The following NRXN3 variants were observed in gnomAD, a reference collection of about 807,000 sequenced individuals.
The protein encoded by NRXN3 is neurexin III.
A neutral mutation model predicts 137.6 loss-of-function variants in NRXN3; 32 were observed. The observed-to-expected ratio is 0.23, with a 90% CI of 0.18 to 0.31. The LOEUF is 0.31. Ranked by LOEUF, NRXN3 falls within the 10% of genes least tolerant of loss-of-function variation. NRXN3 has a pLI of 1.00. For missense variants in NRXN3, 1,574 were observed against 2,062.5 expected (o/e 0.76, Z 4.59); for synonymous variants, 798 against 784.5 (o/e 1.02, Z -0.29).
intron 15 of NRXN3, among the ~76,000 whole-genome samples, chr14:79,136,120 C>T (rs898487545): frequency 3.3e-5 from 5 of 152,150 alleles, no homozygotes; most frequent in African/African-American, 1.2e-4. Flanking sequence ...GCTGGGTTTC[C>T]AGAGGCATAA....
chr14:78,417,607 G>T (rs2093213111), intron 4 of NRXN3, among the ~76,000 whole-genome samples: 1 of 152,164 alleles, frequency 6.6e-6, no homozygotes, highest in African/African-American at 2.4e-5. Context: ...TAACTGGTTG[G>T]CCCAGAGGAG....
At chr14:78,861,607 G>A (rs138958309) in intron 10 of NRXN3, among the ~76,000 whole-genome samples, 157 of 152,160 alleles carry the variant, frequency 1.0e-3, no homozygotes, top group African/African-American at 3.6e-3. Flanking sequence ...CTTATTTTAT[G>A]CTCATGTTGT....
intron 4 of NRXN3, among the ~76,000 whole-genome samples, chr14:78,465,425 G>A (rs1350877159): frequency 6.6e-6 from 1 of 152,154 alleles, no homozygotes; most frequent in East Asian, 1.9e-4. Context: ...AACTGGATAT[G>A]AAACTAGATC....
intron 4 of NRXN3, among the ~76,000 whole-genome samples, chr14:78,515,556 AT>A (rs200441375): frequency 1.1e-4 from 16 of 151,622 alleles, no homozygotes; most frequent in African/African-American, 3.4e-4. Flanking sequence ...TATATGCAAC[AT>A]TTTTTTTTCT....
intron 16 of NRXN3, among the ~76,000 whole-genome samples, chr14:79,567,487 G>A (rs1340227505): frequency 6.6e-6 from 1 of 151,828 alleles, no homozygotes; most frequent in Non-Finnish European, 1.5e-5. Context: ...CTTATGTCCT[G>A]GACATGATCC....
At chr14:78,250,481 G>T (rs1191003923) in intron 2 of NRXN3, among the ~76,000 whole-genome samples, 1 of 152,218 alleles carries the variant, frequency 6.6e-6, no homozygotes, top group Non-Finnish European at 1.5e-5. Context: ...AGAGATAAAA[G>T]GAGGGGAATT....
intron 19 of NRXN3, among the ~76,000 whole-genome samples, chr14:79,715,267 G>A (rs182600211): frequency 5.5e-4 from 84 of 152,220 alleles, no homozygotes; most frequent in African/African-American, 2.0e-3. Context: ...AAATCCTGTT[G>A]TGTCCTAAAG....
intron 16 of NRXN3, among the ~76,000 whole-genome samples, chr14:79,573,166 C>T (rs1409721916): frequency 6.6e-6 from 1 of 152,088 alleles, no homozygotes; most frequent in African/African-American, 2.4e-5. Context: ...CATTGAGAGT[C>T]CATGTATCTT....
chr14:79,481,008 A>G (rs1312718271), intron 16 of NRXN3, among the ~76,000 whole-genome samples: 3 of 152,154 alleles, frequency 2.0e-5, no homozygotes, highest in Non-Finnish European at 2.9e-5. Context: ...GAAAGGACTA[A>G]TACACTTACT....
Position 79,199,163 on chromosome 14 carries a change from T to TA in NRXN3, c.3262+211036dup, listed in dbSNP as rs71131684. Among the ~76,000 whole-genome samples the TA allele has an allele frequency of 3.3e-3, 488 of 146,888 alleles. 1 individual carries two copies. The highest frequency in any genetic ancestry group is 0.012 in the African/African-American group (461 of 39,810). On this transcript the variant is annotated intron_variant, in intron 15 of 20. Transcript: ENST00000335750. The stretch of plus-strand genomic sequence containing the variant: ...GCCTGGGCGACAGTGAGACTGCGTC[T>TA]AAAAAAAAAAAAAAGCAAAACCTTG...
chr14:79,848,429 T>G (rs924137418), intron 20 of NRXN3, among the ~76,000 whole-genome samples: 1 of 152,192 alleles, frequency 6.6e-6, no homozygotes, highest in African/African-American at 2.4e-5. Flanking sequence ...GTAAACTTTC[T>G]TAAAACATTG....
At chr14:79,857,203 C>T (rs899668257) in intron 20 of NRXN3, among the ~76,000 whole-genome samples, 2 of 139,948 alleles carry the variant, frequency 1.4e-5, no homozygotes, top group South Asian at 4.9e-4. Context: ...GAATAGCTTC[C>T]CACCAAACTA....
intron 1 of NRXN3, among the ~76,000 whole-genome samples, chr14:78,173,168 G>A (rs564732525): frequency 1.3e-5 from 2 of 151,956 alleles, no homozygotes; most frequent in Non-Finnish European, 2.9e-5. Context: ...ACGGGGATGT[G>A]GGGGGAGACG....
At chr14:79,672,881 G>A (rs531300588) in intron 17 of NRXN3, among the ~76,000 whole-genome samples, 6 of 152,166 alleles carry the variant, frequency 3.9e-5, no homozygotes, top group Non-Finnish European at 8.8e-5. Flanking sequence ...AGGTTGCAGA[G>A]TCTCTCTAGT....
At chr14:78,824,842 A>T (rs1217924826) in intron 10 of NRXN3, among the ~76,000 whole-genome samples, 4 of 152,186 alleles carry the variant, frequency 2.6e-5, no homozygotes, top group Non-Finnish European at 4.4e-5. Context: ...AGAAATGGTA[A>T]ATGCTTGAGG....
At chr14:79,525,485 A>G (rs2097110136) in intron 16 of NRXN3, among the ~76,000 whole-genome samples, 1 of 152,170 alleles carries the variant, frequency 6.6e-6, no homozygotes, top group Non-Finnish European at 1.5e-5. Context: ...CTCTAGAAAC[A>G]TAGTTTTCCT....
intron 17 of NRXN3, among the ~76,000 whole-genome samples, chr14:79,669,589 T>A (rs897124592): frequency 1.3e-5 from 2 of 152,092 alleles, no homozygotes; most frequent in Non-Finnish European, 2.9e-5. Flanking sequence ...AATAGGCACT[T>A]ATATATACAT....
intron 15 of NRXN3, among the ~76,000 whole-genome samples, chr14:79,072,997 C>T (rs1336310673): frequency 2.6e-5 from 4 of 151,782 alleles, no homozygotes; most frequent in African/African-American, 9.7e-5. Flanking sequence ...AGTGATTTTC[C>T]TGCCTCAGCT....
intron 4 of NRXN3, among the ~76,000 whole-genome samples, chr14:78,387,707 T>C (rs1285407280): frequency 5.9e-5 from 9 of 152,204 alleles, no homozygotes; most frequent in Non-Finnish European, 1.0e-4. Context: ...TTTCCCTCCC[T>C]ACTCCCAGAA....
Sources: allele counts gnomAD v4.1 joint callset (sites outside exome capture counted in the v4.1 genomes callset), GRCh38; gene constraint gnomAD v4.1.1; transcripts MANE v1.5; gene names NCBI Gene and HGNC (gene_info 2026-07-23, HGNC 2026-07-21).